FOXN3: variants seen among roughly 807,000 people sequenced by gnomAD.
FOXN3 encodes the protein forkhead box protein N3.
In FOXN3, 7 loss-of-function variants were observed where a neutral mutation model predicts 38.4. The ratio of observed to expected loss-of-function variants is 0.18; its 90% confidence interval spans 0.10 to 0.34. FOXN3 has a LOEUF of 0.34. Among genes scored for constraint, FOXN3 ranks in the 10% least tolerant of loss-of-function variants. FOXN3 has a pLI of 1.00. For missense variants in FOXN3, 456 were observed against 613.4 expected (o/e 0.74, Z 2.71); for synonymous variants, 230 against 242.2 (o/e 0.95, Z 0.47).
chr14:89,174,752 G>GA (rs1240376688), intron 5 of FOXN3, among the ~76,000 whole-genome samples: 1 of 152,158 alleles, frequency 6.6e-6, no homozygotes, highest in Admixed American at 6.5e-5. Flanking sequence ...GCCCAGGAGG[G>GA]AATTCAGTGC....
At chr14:89,434,004 A>C (rs1364408039) in intron 1 of FOXN3, among the ~76,000 whole-genome samples, 1 of 146,012 alleles carries the variant, frequency 6.8e-6, no homozygotes, top group African/African-American at 2.6e-5. Flanking sequence ...GGCTCACTGC[A>C]ACCTCGCCTC....
chr14:89,191,837 G>A (rs545865397), intron 4 of FOXN3, among the ~76,000 whole-genome samples: 7 of 150,378 alleles, frequency 4.7e-5, no homozygotes, highest in African/African-American at 7.3e-5. Flanking sequence ...TTCCATAATG[G>A]ACTAAAAGTT....
chr14:89,192,829 T>C (rs112832485), intron 4 of FOXN3, among the ~76,000 whole-genome samples: 3,911 of 147,776 alleles, frequency 0.026, 169 homozygotes, highest in African/African-American at 0.092. Context: ...AAAATATATA[T>C]ATTTATATAT....
At chr14:89,236,867 G>A (rs1400538105) in intron 4 of FOXN3, among the ~76,000 whole-genome samples, 1 of 152,210 alleles carries the variant, frequency 6.6e-6, no homozygotes, top group African/African-American at 2.4e-5. Flanking sequence ...CCTGATGCCA[G>A]GAGCTGACCT....
intron 4 of FOXN3, among the ~76,000 whole-genome samples, chr14:89,214,174 G>C (rs201156906): frequency 1.1e-5 from 1 of 88,124 alleles, no homozygotes; most frequent in Non-Finnish European, 2.4e-5. Context: ...GCAGGTTTCG[G>C]ATGGCCACTG....
intron 2 of FOXN3, among the ~76,000 whole-genome samples, chr14:89,397,726 T>C (rs1475386211): frequency 6.6e-6 from 1 of 152,232 alleles, no homozygotes; most frequent in Non-Finnish European, 1.5e-5. Context: ...TGTCAGACCT[T>C]GGCTAAAAAT....
At chr14:89,455,611 C>T (rs1596280847) in intron 1 of FOXN3, among the ~76,000 whole-genome samples, 1 of 152,256 alleles carries the variant, frequency 6.6e-6, no homozygotes. Flanking sequence ...AGCCACGTAG[C>T]AGGCAGTCTC....
In FOXN3 at chr14:89,374,698, G is replaced by A. The variant is rs529893413; in HGVS notation, c.544-23890C>T. On this transcript the variant is annotated intron_variant, in intron 2 of 5. Coordinates refer to ENST00000557258, the MANE Select transcript of FOXN3 (RefSeq NM_005197.4). ...TAAAAGTATACTATTCTTGCCGGGC[G>A]TGGTGGCTCATGCCTGTAATCCCAG... Among the ~76,000 whole-genome samples the A allele has an allele frequency of 3.0e-4, 45 of 152,258 alleles. 1 individual carries two copies. The East Asian group carries it at 5.8e-3, about 20-fold the overall frequency.
chr14:89,503,393 T>C (rs1190236422), intron 1 of FOXN3, among the ~76,000 whole-genome samples: 6 of 152,138 alleles, frequency 3.9e-5, no homozygotes, highest in Admixed American at 3.9e-4. Flanking sequence ...TTTATGAAAG[T>C]TTTCTTCATT....
intron 1 of FOXN3, among the ~76,000 whole-genome samples, chr14:89,435,744 ACT>A (rs1892261761): frequency 6.6e-6 from 1 of 152,168 alleles, no homozygotes; most frequent in South Asian, 2.1e-4. Flanking sequence ...ATTTAGAGTG[ACT>A]CTGGCTTCTG....
intron 4 of FOXN3, among the ~76,000 whole-genome samples, chr14:89,186,901 C>T (rs1482555910): frequency 6.6e-6 from 1 of 152,218 alleles, no homozygotes; most frequent in Non-Finnish European, 1.5e-5. Flanking sequence ...CTTGGGGCAA[C>T]ACGGACCCTC....
chr14:89,465,269 T>C (rs1227036899), intron 1 of FOXN3, among the ~76,000 whole-genome samples: 4 of 152,028 alleles, frequency 2.6e-5, no homozygotes, highest in East Asian at 2.0e-4. Flanking sequence ...CTTGCTCTGT[T>C]GCCAGGCTGG....
At chr14:89,379,334 T>C (rs1890574762) in intron 2 of FOXN3, among the ~76,000 whole-genome samples, 1 of 152,164 alleles carries the variant, frequency 6.6e-6, no homozygotes, top group Non-Finnish European at 1.5e-5. Flanking sequence ...TTTTGCTGGA[T>C]TCTAGACCGT....
intron 5 of FOXN3, among the ~76,000 whole-genome samples, chr14:89,167,330 G>C (rs1441650874): frequency 6.6e-6 from 1 of 152,178 alleles, no homozygotes; most frequent in Admixed American, 6.5e-5. Flanking sequence ...AATTAATTAG[G>C]GGTTCCACTA....
At chr14:89,386,117 A>T (rs1410163117) in intron 2 of FOXN3, among the ~76,000 whole-genome samples, 1 of 152,248 alleles carries the variant, frequency 6.6e-6, no homozygotes, top group African/African-American at 2.4e-5. Flanking sequence ...CAAACAGCTC[A>T]GAGGATGCAC....
intron 5 of FOXN3, among the ~76,000 whole-genome samples, chr14:89,168,864 G>A (rs1275501078): frequency 4.6e-5 from 7 of 152,156 alleles, no homozygotes; most frequent in Non-Finnish European, 8.8e-5. Flanking sequence ...TTTTAAAGTA[G>A]TAGAAAGAAA....
At chr14:89,525,151 C>T (rs1301832062) in intron 1 of FOXN3, among the ~76,000 whole-genome samples, 1 of 152,048 alleles carries the variant, frequency 6.6e-6, no homozygotes, top group East Asian at 1.9e-4. Flanking sequence ...AGGCTGAGAC[C>T]TACTGGGCTG....
intron 3 of FOXN3, among the ~76,000 whole-genome samples, chr14:89,309,692 A>G (rs1205381778): frequency 6.6e-6 from 1 of 152,152 alleles, no homozygotes; most frequent in African/African-American, 2.4e-5. Flanking sequence ...CGGCCTCTAC[A>G]GCAGATTCCC....
chr14:89,165,574 G>GGCCTCCTCCGTATCTGTTTTCTGCA lies in FOXN3; in HGVS notation c.852-2630_852-2606dup, dbSNP rs1479114249. ...ACACAGCCCCTGAGCTTTGGGGTTTGGCCTCCTCCGTATCTGTTTTCTGCA... is the reference window on the plus strand; with the variant it reads ...ACACAGCCCCTGAGCTTTGGGGTTTGGCCTCCTCCGTATCTGTTTTCTGCAGCCTCCTCCGTATCTGTTTTCTGCA... On this transcript the variant is annotated intron_variant, in intron 5 of 5. Coordinates refer to ENST00000557258, the MANE Select transcript of FOXN3 (RefSeq NM_005197.4). Among the ~76,000 whole-genome samples the GGCCTCCTCCGTATCTGTTTTCTGCA allele has an allele frequency of 5.9e-5, 9 of 152,310 alleles. No homozygotes were observed. In the East Asian group the frequency reaches 1.7e-3, roughly 29 times the overall value.
Sources: allele counts gnomAD v4.1 joint callset (sites outside exome capture counted in the v4.1 genomes callset), GRCh38; gene constraint gnomAD v4.1.1; transcripts MANE v1.5; gene names NCBI Gene and HGNC (gene_info 2026-07-23, HGNC 2026-07-21).